Variants in ADARB2 observed in about 807,000 individuals in gnomAD.
The protein encoded by ADARB2 is inactive double-stranded RNA-specific editase B2.
A neutral mutation model predicts 62.2 loss-of-function variants in ADARB2; 25 were observed. The observed-to-expected ratio is 0.40, with a 90% confidence interval of 0.29 to 0.56. The LOEUF (loss-of-function observed/expected upper bound fraction) is 0.56, where lower values mean the gene tolerates loss of function less well. Ranked by LOEUF, ADARB2 falls within the 20% of genes least tolerant of loss-of-function variation. The pLI, the probability that ADARB2 is intolerant of heterozygous loss-of-function variation, is 0.43. For synonymous variants in ADARB2, 572 were observed against 500.8 expected (o/e 1.14, Z -1.90); for missense variants, 1,071 against 1,077.4 (o/e 0.99, Z 0.08).
chr10:1,186,273 C>T (rs929291898), intron 8 of ADARB2, among the ~76,000 whole-genome samples: 9 of 152,164 alleles, frequency 5.9e-5, no homozygotes, highest in South Asian at 2.1e-4. Context: ...GCATGGTGGA[C>T]GTGGCCCTCA....
chr10:1,327,431 T>TCCCCACG (rs1831876326), intron 3 of ADARB2, among the ~76,000 whole-genome samples: 2 of 43,674 alleles, frequency 4.6e-5, no homozygotes, highest in African/African-American at 3.2e-4. Flanking sequence ...GCCTCCCCAC[T>TCCCCACG]GCCCAGCGCC....
intron 3 of ADARB2, among the ~76,000 whole-genome samples, chr10:1,306,196 G>A (rs1467869194): frequency 1.3e-5 from 2 of 151,214 alleles, no homozygotes; most frequent in Non-Finnish European, 3.0e-5. Flanking sequence ...AAGCTGATAA[G>A]CAACTTCAGC....
At chr10:1,505,978 T>A (rs1831842228) in intron 1 of ADARB2, among the ~76,000 whole-genome samples, 1 of 152,234 alleles carries the variant, frequency 6.6e-6, no homozygotes, top group Admixed American at 6.5e-5. Flanking sequence ...ACTTTAATAA[T>A]CATCTAATCG....
At chr10:1,467,223 C>T (rs1021952766) in intron 1 of ADARB2, among the ~76,000 whole-genome samples, 7 of 152,166 alleles carry the variant, frequency 4.6e-5, no homozygotes, top group Admixed American at 3.3e-4. Flanking sequence ...ATCGGTTTAG[C>T]TCTTCTCTAC....
chr10:1,298,885 G>A (rs372184906), intron 3 of ADARB2, among the ~76,000 whole-genome samples: 1 of 151,358 alleles, frequency 6.6e-6, no homozygotes, highest in African/African-American at 2.4e-5. Context: ...GACCACTGAC[G>A]TGCATCACCA....
chr10:1,661,618 G>A (rs989585457), intron 1 of ADARB2, among the ~76,000 whole-genome samples: 2 of 152,162 alleles, frequency 1.3e-5, no homozygotes, highest in Non-Finnish European at 2.9e-5. Flanking sequence ...AGCCAGGGTG[G>A]GGAGTACAGA....
At chr10:1,421,584 T>A (rs145852394) in intron 1 of ADARB2, among the ~76,000 whole-genome samples, 58 of 152,256 alleles carry the variant, frequency 3.8e-4, no homozygotes, top group African/African-American at 1.3e-3. Context: ...ACTATAGCAG[T>A]GAACAAAGTG....
chr10:1,389,995 A>G (rs1486439971), intron 1 of ADARB2, among the ~76,000 whole-genome samples: 1 of 152,200 alleles, frequency 6.6e-6, no homozygotes, highest in African/African-American at 2.4e-5. Flanking sequence ...AAAGACTCAC[A>G]TAGGGATATT....
At chr10:1,372,993 A>G (rs1053911213) in intron 2 of ADARB2, among the ~76,000 whole-genome samples, 1 of 152,206 alleles carries the variant, frequency 6.6e-6, no homozygotes, top group Admixed American at 6.5e-5. Flanking sequence ...AAATTGAGAC[A>G]CAAACAAATG....
Position 1,426,132 on chromosome 10 carries a change from T to C in ADARB2, c.101-46972A>G, listed in dbSNP as rs1235653851. Among the ~76,000 whole-genome samples the C allele has an allele frequency of 1.3e-5, 2 of 152,186 alleles. No homozygotes were observed. The highest frequency in any genetic ancestry group is 2.9e-5 in the Non-Finnish European group (2 of 68,038). On this transcript the variant is annotated intron_variant, in intron 1 of 9. Coordinates refer to ENST00000381312, the MANE Select transcript of ADARB2 (RefSeq NM_018702.4). The surrounding 1 kb of genome is among the most constrained non-coding windows in gnomAD (Gnocchi z 4.1). ...CTATAATGACACAACAAAACTCATA[T>C]AGAGAAGGGGAATCAAGATCTGATG...
intron 1 of ADARB2, among the ~76,000 whole-genome samples, chr10:1,404,246 T>TGAG (rs4002424): frequency 0.94 from 143,480 of 152,236 alleles, 67,799 homozygotes; most frequent in East Asian, 1. Flanking sequence ...TGCTTGGCCA[T>TGAG]GAGAGCAGGA....
At chr10:1,490,544 T>A (rs1376334966) in intron 1 of ADARB2, among the ~76,000 whole-genome samples, 1 of 152,138 alleles carries the variant, frequency 6.6e-6, no homozygotes, top group East Asian at 1.9e-4. Context: ...AACCTCTGCC[T>A]CCTGGGTTCA....
intron 4 of ADARB2, among the ~76,000 whole-genome samples, chr10:1,264,826 G>A (rs1831179046): frequency 6.6e-6 from 1 of 152,158 alleles, no homozygotes; most frequent in Admixed American, 6.5e-5. Flanking sequence ...CATTTTTCCA[G>A]GGCAGTTGTA....
intron 4 of ADARB2, among the ~76,000 whole-genome samples, chr10:1,266,479 G>A (rs951002081): frequency 1.4e-5 from 2 of 145,816 alleles, no homozygotes; most frequent in Non-Finnish European, 3.0e-5. Context: ...GGGCCGGCTG[G>A]GACCCCACCT....
intron 1 of ADARB2, among the ~76,000 whole-genome samples, chr10:1,640,338 T>C (rs1220456805): frequency 6.6e-6 from 1 of 152,238 alleles, no homozygotes; most frequent in African/African-American, 2.4e-5. Context: ...GTAGATATCA[T>C]GGTTCCTGTC....
At chr10:1,513,942 G>T (rs1831971537) in intron 1 of ADARB2, among the ~76,000 whole-genome samples, 1 of 151,910 alleles carries the variant, frequency 6.6e-6, no homozygotes, top group African/African-American at 2.4e-5. Flanking sequence ...CAAAAATACA[G>T]CCGGGGGCAA....
chr10:1,282,278 T>C (rs1184021135), intron 3 of ADARB2, among the ~76,000 whole-genome samples: 3 of 152,230 alleles, frequency 2.0e-5, no homozygotes, highest in Non-Finnish European at 4.4e-5. Flanking sequence ...CAAACCCGTC[T>C]TACTGATAAC....
chr10:1,514,178 A>AATATATACATATAT (rs1554767855), intron 1 of ADARB2, among the ~76,000 whole-genome samples: 1 of 94,158 alleles, frequency 1.1e-5, no homozygotes, highest in African/African-American at 3.4e-5. Context: ...GCTGTCTCAA[A>AATATATACATATAT]ATATATATAT....
In ADARB2 at chr10:1,619,102, CAT is replaced by C. The variant is rs904953888; in HGVS notation, c.100+117947_100+117948del. On this transcript the variant is annotated intron_variant, in intron 1 of 9. Coordinates refer to ENST00000381312, the MANE Select transcript of ADARB2 (RefSeq NM_018702.4). ...AGGAAGAGATTGAGAAGGCGAGAGA[CAT>C]GTGGAAAATAAATTGCAAAATGGTA... Among the ~76,000 whole-genome samples the C allele has an allele frequency of 7.0e-4, 107 of 152,226 alleles. 2 individuals are homozygous for C. Among genetic ancestry groups the C allele is most frequent in the African/African-American group, 2.3e-3 (95 of 41,508 alleles).
Sources: gnomAD v4.1 joint callset for allele counts (sites outside exome capture counted in the v4.1 genomes callset) on GRCh38, gnomAD v4.1.1 for gene constraint, Gnocchi (gnomAD v3.1) non-coding constraint, MANE v1.5 for transcripts, NCBI Gene and HGNC (gene_info 2026-07-23, HGNC 2026-07-21) for gene names.